Variants in DGKA observed in about 807,000 individuals in gnomAD.
DGKA encodes 80 kDa diacylglycerol kinase.
A neutral mutation model predicts 105.0 loss-of-function variants in DGKA; 35 were observed. That is an observed-to-expected ratio of 0.33 (90% CI 0.25 to 0.44). The LOEUF is 0.44. Ranked by LOEUF, DGKA falls within the 20% of genes least tolerant of loss-of-function variation. The probability of loss-of-function intolerance (pLI) is 1.00; values close to 1 mark genes in which losing one functional copy is unlikely to be tolerated. For synonymous variants in DGKA, 296 were observed against 332.0 expected, an observed-to-expected ratio of 0.89 and a Z score of 1.18; for missense variants, 665 against 915.0, an observed-to-expected ratio of 0.73 and a Z score of 3.53.
At position 55,953,803 on chromosome 12, in the gene DGKA, C is replaced by T. The variant is rs1265583921; in HGVS notation, c.*35C>T. 1 of 1,582,914 alleles carries T rather than the reference C, an allele frequency of 6.3e-7. No individual in the cohort carries two copies. Among genetic ancestry groups the T allele is most frequent in the Admixed American group, 1.7e-5 (1 of 59,900 alleles). ...CCTTGGCCTCCAAGCCAGCCTTGAACCCACCTCCCTGTCCCTGGACTCTAC... is the reference window on the plus strand; with the variant it reads ...CCTTGGCCTCCAAGCCAGCCTTGAATCCACCTCCCTGTCCCTGGACTCTAC... On this transcript the variant is annotated 3_prime_UTR_variant, in exon 24 of 24. Transcript: ENST00000331886.
intron 17 of DGKA, 142 bp downstream of exon 17, chr12:55,942,405 T>C (rs1290677803): frequency 1.3e-6 from 1 of 758,964 alleles, no homozygotes; most frequent in African/African-American, 1.8e-5. Flanking sequence ...AAAAGTGGAA[T>C]GTCCAAAAAG....
intron 1 of DGKA, 109 bp from the exon 2 acceptor site, chr12:55,936,314 G>A: frequency 1.6e-6 from 2 of 1,285,644 alleles, no homozygotes; most frequent in Admixed American, 2.9e-5. Flanking sequence ...TAGGAGAGAA[G>A]GAAAGAACAA....
intron 4 of DGKA, 106 bp downstream of exon 4, chr12:55,937,649 G>C: frequency 1.4e-6 from 2 of 1,421,278 alleles, no homozygotes; most frequent in Non-Finnish European, 9.6e-7. Flanking sequence ...GCAGGTTGGG[G>C]GAAATTGGTG....
rs368970998 is a variant in DGKA at position 55,952,969 on chromosome 12, C to T, written c.1942+37C>T. ...AGCCTTGGGAGCTGAGTGGGCAGGA[C>T]GAAGGGAAAGTGTGACTCCCTATGG... On this transcript the variant is annotated intron_variant, in intron 21 of 23. Transcript: ENST00000331886. The surrounding 1 kb of genome is among the most constrained non-coding windows in gnomAD (Gnocchi z 5.1). 33 of 1,613,804 alleles carry T rather than the reference C, an allele frequency of 2.0e-5. No individual in the cohort carries two copies. The Middle Eastern group carries it at 2.6e-3, about 129-fold the overall frequency.
At chr12:55,946,008 G>A (rs1005065485) in intron 17 of DGKA, among the ~76,000 whole-genome samples, 12 of 151,930 alleles carry the variant, frequency 7.9e-5, no homozygotes, top group African/African-American at 2.9e-4. Flanking sequence ...TGCTGGTCTC[G>A]AACTCCTGAC....
chr12:55,941,242 C>G lies in DGKA; in HGVS notation c.1102-10C>G, dbSNP rs981601833. On this transcript the variant is annotated splice_polypyrimidine_tract_variant and intron_variant, in intron 13 of 23. Coordinates refer to ENST00000331886, the MANE Select transcript of DGKA (RefSeq NM_001345.5). ...GCTTTCTTTGTCCTTATTTTCTTCC[C>G]CCAATGCAGATTGACCCTGTTCCTA... is the stretch of plus-strand genomic sequence containing the variant. 1.9e-6 allele frequency: 3 copies of G among 1,609,088 alleles called. No individual in the cohort carries two copies. The highest frequency in any genetic ancestry group is 2.6e-6 in the Non-Finnish European group (3 of 1,176,050).
chr12:55,941,546 A>G lies in DGKA; in HGVS notation c.1212A>G (p.Arg404=), dbSNP rs765678804. Residue 404 remains arginine (R), a synonymous_variant, in exon 15 of 24, where the codon CGA becomes CGG. Coordinates refer to ENST00000331886, the MANE Select transcript of DGKA (RefSeq NM_001345.5). ...AGTTCCAGTATATATTAAACCCTCG[A>G]CAGGTGTTCAACCTCCTAAAGGATG... ...LWKFQYILNP[R]QVFNLLKDGP... 12 of 1,614,060 alleles carry G rather than the reference A, an allele frequency of 7.4e-6. No individual in the cohort carries two copies. The highest frequency in any genetic ancestry group is 1.1e-5 in the South Asian group (1 of 91,084).
upstream of DGKA, chr12:55,927,709 G>T (rs1358348733): frequency 5.2e-6 from 8 of 1,539,124 alleles, no homozygotes; most frequent in Non-Finnish European, 7.0e-6. Flanking sequence ...GGCGGAGGGC[G>T]CCGCGGGTCG....
Position 55,953,374 on chromosome 12 carries a change from A to G in DGKA, c.2088A>G (p.Gln696=), listed in dbSNP as rs1592757866. The change falls in exon 23 of 24, where the codon CAA becomes CAG. Residue 696 remains glutamine, a synonymous_variant. Transcript: ENST00000331886. The part of the protein sequence containing the change: ...TFHTTKTLPM[Q]IDGEPWMQTP... ...GCACCACAAAAACCCTTCCCATGCA[A>G]ATTGACGGAGAACCCTGGATGCAGA... is the stretch of plus-strand genomic sequence containing the variant. The G allele has an allele frequency of 6.2e-7, 1 of 1,614,076 alleles. No homozygotes were observed. Among genetic ancestry groups the G allele is most frequent in the Non-Finnish European group, 8.5e-7 (1 of 1,180,006 alleles).
chr12:55,938,674 G>A, intron 6 of DGKA, 114 bp downstream of exon 6: 2 of 1,602,858 alleles, frequency 1.2e-6, no homozygotes, highest in Non-Finnish European at 1.7e-6. Flanking sequence ...GGGAGAGGTT[G>A]AGTCCTCTAG....
Position 55,932,368 on chromosome 12 carries a change from G to A in DGKA, c.-82+1024G>A. 2 of 595,558 alleles carry A rather than the reference G, an allele frequency of 3.4e-6. No homozygotes were observed. The highest frequency in any genetic ancestry group is 6.0e-6 in the Non-Finnish European group (2 of 331,476). The allele number at this position is 595,558 out of a possible 1,614,324, so 36.9% of individuals were successfully genotyped here. A position where few individuals can be genotyped will look rare whatever the true frequency, so the allele number is the denominator to read the frequency against. On this transcript the variant is annotated intron_variant, in intron 1 of 23. Coordinates refer to ENST00000331886, the MANE Select transcript of DGKA (RefSeq NM_001345.5). This position sits in a 1 kb window ranked among gnomAD's most constrained non-coding sequence, Gnocchi z 4.3. ...CTCCATCCCTCCCGCTCATTCGGAGGGATGGTGAAGCCCGGTTCCTGGGAC... is the reference window on the plus strand; with the variant it reads ...CTCCATCCCTCCCGCTCATTCGGAGAGATGGTGAAGCCCGGTTCCTGGGAC...
Position 55,937,020 on chromosome 12 carries a change from C to T in DGKA, c.68C>T (p.Ser23Phe). ...TCTTACTCTCTCTACACCCTAGACTCCACCAAAAAGGTCAGTGATGTCCTA... is the reference window on the plus strand; with the variant it reads ...TCTTACTCTCTCTACACCCTAGACTTCACCAAAAAGGTCAGTGATGTCCTA... ...FAQLQKYMEYSTKKVSDVLKL... is the reference protein window; with the variant it reads ...FAQLQKYMEYFTKKVSDVLKL... The change falls in exon 3 of 24, where the codon TCC (serine) becomes TTC (phenylalanine). Residue 23 changes from serine (S) to phenylalanine (F), a missense_variant. Physicochemically the swap from Ser to Phe is radical, Grantham distance 155. Coordinates refer to ENST00000331886, the MANE Select transcript of DGKA (RefSeq NM_001345.5). 6.2e-7 allele frequency: 1 copy of T among 1,614,112 alleles called. No individual in the cohort carries two copies. Among genetic ancestry groups the T allele is most frequent in the Non-Finnish European group, 8.5e-7 (1 of 1,179,964 alleles).
In DGKA at chr12:55,932,453, T is replaced by C; in HGVS notation, c.-82+1109T>C. 1 of 688,850 alleles carries C rather than the reference T, an allele frequency of 1.5e-6. No homozygotes were observed. The highest frequency in any genetic ancestry group is 2.7e-5 in the East Asian group (1 of 37,086). The allele number at this position is 688,850 out of a possible 1,614,324, so 42.7% of individuals were successfully genotyped here. On this transcript the variant is annotated intron_variant, in intron 1 of 23. Transcript: ENST00000331886. The surrounding 1 kb of genome is among the most constrained non-coding windows in gnomAD (Gnocchi z 4.3). ...CAGTGCCGCACGGGTGGAGAAGGGT[T>C]CTTGTTTGGCCTCCAGGTCCCCAAC...
At chr12:55,941,847 C>A in intron 15 of DGKA, 151 bp from the exon 16 acceptor site, 1 of 882,022 alleles carries the variant, frequency 1.1e-6, no homozygotes, top group Non-Finnish European at 1.8e-6. Context: ...CCCCATTGTT[C>A]TTTTCTGTGA....
upstream of DGKA, chr12:55,927,759 C>T: frequency 6.5e-7 from 1 of 1,539,384 alleles, no homozygotes; most frequent in Non-Finnish European, 8.7e-7. Flanking sequence ...CGGCAGCTTC[C>T]ATGGCCGAAG....
At position 55,940,583 on chromosome 12, in the gene DGKA, G is replaced by A; in HGVS notation, c.919-41G>A. 1 of 1,556,060 alleles carries A rather than the reference G, an allele frequency of 6.4e-7. No homozygotes were observed. The highest frequency in any genetic ancestry group is 8.7e-7 in the Non-Finnish European group (1 of 1,152,808). ...AGACTGCCAGGTTGAGAGGAGACAG[G>A]GTTACCTTCGTGATCTCTCTGTGCC... On this transcript the variant is annotated intron_variant, in intron 11 of 23. Coordinates refer to ENST00000331886, the MANE Select transcript of DGKA (RefSeq NM_001345.5). The surrounding 1 kb of genome is among the most constrained non-coding windows in gnomAD (Gnocchi z 4.3).
In DGKA at chr12:55,941,060, G is replaced by A. The variant is rs559966678; in HGVS notation, c.1101+80G>A. 8.7e-5 allele frequency: 129 copies of A among 1,488,666 alleles called. No homozygotes were observed. In the East Asian group the frequency reaches 2.8e-3, roughly 32 times the overall value. The allele number at this position is 1,488,666 out of a possible 1,614,324, so 92.2% of individuals were successfully genotyped here. A position where few individuals can be genotyped will look rare whatever the true frequency, so the allele number is the denominator to read the frequency against. ...CCTCATGGGTGGGAATGAAGTGGGA[G>A]AGCCTGGTGGGGAGCGGTTGATGCT... On this transcript the variant is annotated intron_variant, in intron 13 of 23. Transcript: ENST00000331886.
chr12:55,950,170 TCACCATGTTGG>T (rs1470442004), intron 17 of DGKA, among the ~76,000 whole-genome samples: 1 of 151,878 alleles, frequency 6.6e-6, no homozygotes, highest in Non-Finnish European at 1.5e-5. Flanking sequence ...AGATGGGGTT[TCACCATGTTGG>T]CCAGGCTGGT....
Position 55,940,032 on chromosome 12 carries a change from A to G in DGKA, c.710-50A>G. The G allele has an allele frequency of 1.3e-6, 2 of 1,504,962 alleles. No homozygotes were observed. The highest frequency in any genetic ancestry group is 1.8e-6 in the Non-Finnish European group (2 of 1,081,472). 93.2% of individuals were successfully genotyped at this position (1,504,962 alleles called of 1,614,324 possible). On this transcript the variant is annotated intron_variant, in intron 9 of 23. Coordinates refer to ENST00000331886, the MANE Select transcript of DGKA (RefSeq NM_001345.5). This position sits in a 1 kb window ranked among gnomAD's most constrained non-coding sequence, Gnocchi z 4.3. Reference sequence around the variant, plus strand: ...TGCCTCACCCTCAGGTAAGAAGGAAATAGGGGGAGAGGCTCAGCTAAGCCT... The same window carrying G: ...TGCCTCACCCTCAGGTAAGAAGGAAGTAGGGGGAGAGGCTCAGCTAAGCCT...
Sources: gnomAD v4.1 joint callset for allele counts (sites outside exome capture counted in the v4.1 genomes callset) on GRCh38, gnomAD v4.1.1 for gene constraint, Gnocchi (gnomAD v3.1) non-coding constraint, MANE v1.5 for transcripts, NCBI Gene and HGNC (gene_info 2026-07-23, HGNC 2026-07-21) for gene names.